Variants in LMBR1 observed in about 807,000 individuals in gnomAD.
LMBR1 encodes limb development membrane protein 1, also known as limb region 1 protein homolog.
In LMBR1, 52 loss-of-function variants were observed where a neutral mutation model predicts 73.9. That is an observed-to-expected ratio of 0.70 (90% CI 0.56 to 0.89). LMBR1 has a LOEUF of 0.89. Ranked by LOEUF, LMBR1 falls within the 40% of genes least tolerant of loss-of-function variation. The pLI, the probability that LMBR1 is intolerant of heterozygous loss-of-function variation, is 0.00. For missense variants in LMBR1, 539 were observed against 579.8 expected, an observed-to-expected ratio of 0.93 and a Z score of 0.72; for synonymous variants, 215 against 209.4, an observed-to-expected ratio of 1.03 and a Z score of -0.23.
chr7:156,688,027 T>C lies in LMBR1; in HGVS notation c.1387+3A>G. On this transcript the variant is annotated splice_donor_region_variant and intron_variant, in intron 16 of 16. Coordinates refer to ENST00000353442, the MANE Select transcript of LMBR1 (RefSeq NM_022458.4). ...AAAAAATACCCATAAACCTCAGGAT[T>C]ACCTAGGGCCTTGAAAAGTTCTTCT... 6.3e-7 allele frequency: 1 copy of C among 1,578,680 alleles called. No individual in the cohort carries two copies.
chr7:156,710,141 G>A (rs1811783735), intron 15 of LMBR1, among the ~76,000 whole-genome samples: 2 of 150,088 alleles, frequency 1.3e-5, no homozygotes, highest in Admixed American at 1.3e-4. Context: ...TCCCGACCTC[G>A]TGATCTGCCT....
chr7:156,807,982 A>G (rs1832435691), intron 4 of LMBR1, among the ~76,000 whole-genome samples: 1 of 152,112 alleles, frequency 6.6e-6, no homozygotes, highest in Non-Finnish European at 1.5e-5. Flanking sequence ...TACAGAGTGT[A>G]TCTTGTATGA....
rs544077471 is a variant in LMBR1, at chr7:156,859,970, T to C, written c.67-23085A>G. ...AAGATCAATGGAACAGAATAGAGAG[T>C]TGATAAATAAACCCACACAATATGG... is the stretch of plus-strand genomic sequence containing the variant. On this transcript the variant is annotated intron_variant, in intron 1 of 16. Coordinates refer to ENST00000353442, the MANE Select transcript of LMBR1 (RefSeq NM_022458.4). Among the ~76,000 whole-genome samples, 110 of 151,842 alleles carry C rather than the reference T, an allele frequency of 7.2e-4. 1 individual carries two copies. The South Asian group carries it at 0.022, about 30-fold the overall frequency.
chr7:156,676,117 T>C, downstream of LMBR1: 1 of 849,470 alleles, frequency 1.2e-6, no homozygotes, highest in South Asian at 1.9e-5. Flanking sequence ...ACTTTCCTCA[T>C]GGGCTTTAGG....
chr7:156,746,722 G>A (rs1402345038), intron 9 of LMBR1, among the ~76,000 whole-genome samples: 2 of 152,006 alleles, frequency 1.3e-5, no homozygotes, highest in African/African-American at 4.8e-5. Flanking sequence ...AATACCTAAG[G>A]GAGAAATGTA....
At chr7:156,782,334 G>C (rs1197852177) in intron 5 of LMBR1, among the ~76,000 whole-genome samples, 1 of 152,196 alleles carries the variant, frequency 6.6e-6, no homozygotes, top group African/African-American at 2.4e-5. Flanking sequence ...TGTATATCCA[G>C]AAGTGGAATT....
chr7:156,799,789 A>C (rs1183272677), intron 4 of LMBR1, among the ~76,000 whole-genome samples: 2 of 152,242 alleles, frequency 1.3e-5, no homozygotes, highest in African/African-American at 4.8e-5. Context: ...AATGCAAAGG[A>C]AAAGTTCCTA....
At chr7:156,725,924 T>C in intron 12 of LMBR1, 87 bp from the exon 13 acceptor site, 1 of 995,062 alleles carries the variant, frequency 1.0e-6, no homozygotes, top group Non-Finnish European at 1.5e-6. Flanking sequence ...AATAAGACAG[T>C]TGAAATTATG....
intron 8 of LMBR1, among the ~76,000 whole-genome samples, chr7:156,758,855 G>T (rs1419601812): frequency 3.9e-5 from 6 of 152,190 alleles, no homozygotes; most frequent in Admixed American, 2.6e-4. Flanking sequence ...ACATATATTT[G>T]TGTTAAGTTC....
intron 1 of LMBR1, among the ~76,000 whole-genome samples, chr7:156,852,838 C>T (rs954953834): frequency 2.6e-5 from 4 of 152,004 alleles, no homozygotes; most frequent in Admixed American, 6.6e-5. Flanking sequence ...ACAGTGCCAA[C>T]GTTGAGAAAC....
At chr7:156,675,434 T>C (rs1431642063), downstream of LMBR1, among the ~76,000 whole-genome samples, 1 of 152,214 alleles carries the variant, frequency 6.6e-6, no homozygotes, top group Non-Finnish European at 1.5e-5. Flanking sequence ...TGTTTTTTCC[T>C]TAAAATATTC....
intron 15 of LMBR1, among the ~76,000 whole-genome samples, chr7:156,697,717 C>G (rs1382767758): frequency 6.6e-6 from 1 of 152,180 alleles, no homozygotes; most frequent in Admixed American, 6.5e-5. Flanking sequence ...CCCTTGTTCC[C>G]TAAAAATCAC....
chr7:156,887,520 A>G (rs1156653577), intron 1 of LMBR1, among the ~76,000 whole-genome samples: 1 of 152,038 alleles, frequency 6.6e-6, no homozygotes, highest in Admixed American at 6.6e-5. Context: ...AATTAATTCA[A>G]AATGGATCAG....
At chr7:156,762,244 C>T (rs778727151) in intron 7 of LMBR1, 46 bp from the exon 8 acceptor site, 17 of 1,250,368 alleles carry the variant, frequency 1.4e-5, no homozygotes, top group Non-Finnish European at 1.9e-5. Context: ...CATTATAGAG[C>T]TTGGAGAAAG....
At chr7:156,695,555 G>A (rs543835926) in intron 15 of LMBR1, among the ~76,000 whole-genome samples, 4 of 152,076 alleles carry the variant, frequency 2.6e-5, no homozygotes, top group East Asian at 1.9e-4. Flanking sequence ...GGAGGCACCC[G>A]ACACTTTTAG....
intron 15 of LMBR1, among the ~76,000 whole-genome samples, chr7:156,719,208 A>T (rs1195277925): frequency 2.3e-5 from 3 of 133,170 alleles, no homozygotes; most frequent in Non-Finnish European, 3.1e-5. Context: ...TTCAATTCCC[A>T]CCTATGAGTG....
At chr7:156,706,717 G>A (rs1490662696) in intron 15 of LMBR1, among the ~76,000 whole-genome samples, 1 of 152,044 alleles carries the variant, frequency 6.6e-6, no homozygotes, top group East Asian at 1.9e-4. Context: ...AAACTTGCGA[G>A]ATACAGCAAA....
chr7:156,799,147 A>G (rs1191447644), intron 4 of LMBR1, among the ~76,000 whole-genome samples: 1 of 151,782 alleles, frequency 6.6e-6, no homozygotes, highest in Admixed American at 6.6e-5. Context: ...GGTTGCAGTG[A>G]GCCGAGATTG....
At position 156,685,238 on chromosome 7, in the gene LMBR1, C is replaced by T. The variant is rs1006039244; in HGVS notation, c.1388-1075G>A. ...ATAATATACCTGATACACAGACCAACATTGCCCTCTCACAGGGAGAAAGGG... is the reference window on the plus strand; with the variant it reads ...ATAATATACCTGATACACAGACCAATATTGCCCTCTCACAGGGAGAAAGGG... On this transcript the variant is annotated intron_variant, in intron 16 of 16. Transcript: ENST00000353442. The surrounding 1 kb of genome is among the most constrained non-coding windows in gnomAD (Gnocchi z 4.1). 1.1e-4 allele frequency among the ~76,000 whole-genome samples: 16 copies of T among 152,214 alleles called. No individual in the cohort carries two copies. Among genetic ancestry groups the T allele is most frequent in the African/African-American group, 3.9e-4 (16 of 41,452 alleles).
Sources: gnomAD v4.1 joint callset for allele counts (sites outside exome capture counted in the v4.1 genomes callset) on GRCh38, gnomAD v4.1.1 for gene constraint, Gnocchi (gnomAD v3.1) non-coding constraint, MANE v1.5 for transcripts, NCBI Gene and HGNC (gene_info 2026-07-23, HGNC 2026-07-21) for gene names.